CEP295: variants seen among roughly 807,000 people sequenced by gnomAD.
CEP295 encodes centrosomal protein 295.
In CEP295, 190 loss-of-function variants were observed where a neutral mutation model predicts 291.6. The ratio of observed to expected loss-of-function variants is 0.65; its 90% confidence interval spans 0.58 to 0.73. The LOEUF (loss-of-function observed/expected upper bound fraction) is 0.73, where lower values mean the gene tolerates loss of function less well. Among genes scored for constraint, CEP295 ranks in the 30% least tolerant of loss-of-function variants. CEP295 has a pLI of 0.00. For synonymous variants in CEP295, 993 were observed against 1,038.8 expected (o/e 0.96, Z 0.85); for missense variants, 2,863 against 2,949.4 (o/e 0.97, Z 0.68).
intron 9 of CEP295, among the ~76,000 whole-genome samples, chr11:93,686,319 T>TA (rs57239341): frequency 0.99 from 145,327 of 146,534 alleles, 72,068 homozygotes; most frequent in South Asian, 1. Context: ...AACTCCATCT[T>TA]AAAAAAAAAA....
chr11:93,698,667 C>G lies in CEP295; in HGVS notation c.3755C>G (p.Pro1252Arg), dbSNP rs1051052814. Residue 1252 changes from proline (P) to arginine (R), a missense_variant, in exon 15 of 30, where the codon CCT (proline) becomes CGT (arginine). Coordinates refer to ENST00000325212, the MANE Select transcript of CEP295 (RefSeq NM_033395.2). ...RLLRVSQHML[P>R]LQDNLEEHQA... ...TTGAGAGTTTCACAACATATGCTAC[C>G]TCTACAAGATAATTTGGAGGAACAC... 25 of 1,550,732 alleles carry G rather than the reference C, an allele frequency of 1.6e-5. No individual in the cohort carries two copies. The East Asian group carries it at 6.1e-4, about 38-fold the overall frequency.
At chr11:93,674,775 C>T (rs982393283) in intron 5 of CEP295, among the ~76,000 whole-genome samples, 36 of 152,176 alleles carry the variant, frequency 2.4e-4, no homozygotes, top group African/African-American at 8.4e-4. Context: ...CTGTAAAATG[C>T]ATGGTTTATT....
chr11:93,669,656 T>A, intron 4 of CEP295, 21 bp from the exon 5 acceptor site: 2 of 1,446,456 alleles, frequency 1.4e-6, no homozygotes, highest in Non-Finnish European at 1.9e-6. Context: ...GATTAATTGA[T>A]GACATCTCTT....
chr11:93,690,580 A>G (rs1436862648), intron 10 of CEP295, among the ~76,000 whole-genome samples: 1 of 149,074 alleles, frequency 6.7e-6, no homozygotes, highest in Non-Finnish European at 1.5e-5. Flanking sequence ...AAAAAAAAAA[A>G]AGTGAGCCAG....
In CEP295 at chr11:93,721,961, C is replaced by A; in HGVS notation, c.5858C>A (p.Thr1953Lys). 1 of 1,608,244 alleles carries A rather than the reference C, an allele frequency of 6.2e-7. No homozygotes were observed. The highest frequency in any genetic ancestry group is 8.5e-7 in the Non-Finnish European group (1 of 1,175,706). ...ATTCCCCTTAATTTCTAGGCTAAAA[C>A]ACTGTCTTATGAACCATTATCTTCA... is the stretch of plus-strand genomic sequence containing the variant. ...PTVKPDDKAKTLSYEPLSSAT... is the reference protein window; with the variant it reads ...PTVKPDDKAKKLSYEPLSSAT... Residue 1953 changes from threonine (T) to lysine (K), a missense_variant, in exon 20 of 30, where the codon ACA (threonine) becomes AAA (lysine). This residue lies in a region of CEP295 where 2,295 missense variants were observed against 2,335.7 expected (regional missense o/e 0.98). Transcript: ENST00000325212.
At chr11:93,723,341 A>G in intron 21 of CEP295, 52 bp downstream of exon 21, 2 of 1,289,474 alleles carry the variant, frequency 1.6e-6, no homozygotes, top group Non-Finnish European at 2.1e-6. Context: ...TTAAATTTTC[A>G]CCTTTCATCA....
chr11:93,679,412 C>A lies in CEP295; in HGVS notation c.625C>A (p.Pro209Thr). The change falls in exon 7 of 30, where the codon CCA becomes ACA. Residue 209 changes from proline (P) to threonine (T), a missense_variant and splice_region_variant. Pro to Thr is a conservative substitution (Grantham distance 38). This residue lies in a region of CEP295 where 554 missense variants were observed against 576.0 expected (regional missense o/e 0.96). Transcript: ENST00000325212. The part of the protein sequence containing the change: ...FVNRETDTKR[P>T]DARLAAEEEA... ...CCTACAATTTTTGATTGACTGCTAG[C>A]CAGATGCTCGTTTGGCTGCTGAAGA... The A allele has an allele frequency of 1.3e-6, 2 of 1,546,372 alleles. No individual in the cohort carries two copies. The highest frequency in any genetic ancestry group is 1.7e-6 in the Non-Finnish European group (2 of 1,144,236).
chr11:93,724,324 C>T lies in CEP295; in HGVS notation c.6267C>T (p.Asp2089=). 1 of 1,550,100 alleles carries T rather than the reference C, an allele frequency of 6.5e-7. No individual in the cohort carries two copies. The highest frequency in any genetic ancestry group is 8.7e-7 in the Non-Finnish European group (1 of 1,145,522). ...CCTTAGAACCACATCCAGATTTTGACTTATCATCATCATCCTCTGGGATTT... is the reference window on the plus strand; with the variant it reads ...CCTTAGAACCACATCCAGATTTTGATTTATCATCATCATCCTCTGGGATTT... ...FKPLEPHPDF[D]LSSSSSGISP... The change falls in exon 22 of 30, where the codon GAC becomes GAT. Residue 2089 remains aspartate (D), a synonymous_variant. Transcript: ENST00000325212.
Position 93,725,820 on chromosome 11 carries a change from ATAT to A in CEP295, c.6493_6495del (p.Ile2165del). On this transcript the variant is annotated inframe_deletion, in exon 23 of 30. Coordinates refer to ENST00000325212, the MANE Select transcript of CEP295 (RefSeq NM_033395.2). The stretch of plus-strand genomic sequence containing the variant: ...GGAGCTCACAGTTTTGCTACAGAAA[ATAT>A]TATTGGGGGTATGTATGACTAAGTT... The A allele has an allele frequency of 3.9e-6, 6 of 1,550,724 alleles. No homozygotes were observed. The highest frequency in any genetic ancestry group is 5.2e-6 in the Non-Finnish European group (6 of 1,146,718).
rs1195106050 is a variant in CEP295 at position 93,675,456 on chromosome 11, G to C, written c.529-115G>C. The C allele has an allele frequency of 1.2e-5, 6 of 512,454 alleles. No homozygotes were observed. In the East Asian group the frequency reaches 2.1e-4, roughly 18 times the overall value. 31.7% of individuals were successfully genotyped at this position (512,454 alleles called of 1,614,324 possible). ...TGATTTCATTATGAGCAGATATTTA[G>C]CATGTTTTGGATGCGGAGAACTCAT... On this transcript the variant is annotated intron_variant, in intron 5 of 29. Coordinates refer to ENST00000325212, the MANE Select transcript of CEP295 (RefSeq NM_033395.2).
At chr11:93,714,348 T>A (rs1036113823) in intron 18 of CEP295, among the ~76,000 whole-genome samples, 5 of 152,186 alleles carry the variant, frequency 3.3e-5, no homozygotes, top group Non-Finnish European at 5.9e-5. Flanking sequence ...CCTTCCAGGT[T>A]CAGGCGAATC....
At chr11:93,705,469 G>C (rs771842836) in intron 17 of CEP295, among the ~76,000 whole-genome samples, 3 of 151,878 alleles carry the variant, frequency 2.0e-5, no homozygotes, top group Non-Finnish European at 4.4e-5. Flanking sequence ...CTTTTTCTTT[G>C]GGTTTTGTTT....
intron 4 of CEP295, 146 bp from the exon 5 acceptor site, chr11:93,669,531 A>G (rs1950337138): frequency 1.9e-6 from 1 of 526,104 alleles, no homozygotes; most frequent in East Asian, 3.0e-5. Flanking sequence ...TAACATATGT[A>G]TAGACTCTTT....
At chr11:93,679,264 T>G (rs929023724) in intron 6 of CEP295, 148 bp from the exon 7 acceptor site, 9 of 679,616 alleles carry the variant, frequency 1.3e-5, no homozygotes, top group Non-Finnish European at 2.2e-5. Context: ...CATAGGTACA[T>G]GCCGTTGATA....
intron 17 of CEP295, among the ~76,000 whole-genome samples, chr11:93,705,687 C>G (rs1381136602): frequency 6.6e-6 from 1 of 152,012 alleles, no homozygotes; most frequent in Non-Finnish European, 1.5e-5. Context: ...TTAGTTCTTT[C>G]ATTTTTTTGT....
intron 7 of CEP295, among the ~76,000 whole-genome samples, chr11:93,681,237 G>GT (rs11320777): frequency 3.3e-4 from 47 of 141,658 alleles, no homozygotes; most frequent in African/African-American, 1.1e-3. Context: ...TTCATGTGTT[G>GT]TTTTTTTTTT....
intron 5 of CEP295, among the ~76,000 whole-genome samples, chr11:93,672,532 C>A (rs1286263687): frequency 6.6e-6 from 1 of 152,100 alleles, no homozygotes; most frequent in East Asian, 1.9e-4. Context: ...AAGCAATCCT[C>A]CTGCTTCCGC....
chr11:93,695,085 A>T (rs1951784464), intron 12 of CEP295, among the ~76,000 whole-genome samples: 1 of 152,228 alleles, frequency 6.6e-6, no homozygotes. Flanking sequence ...ATGGTTAAGA[A>T]GTCAAAGTAT....
At chr11:93,662,195 C>T (rs1950023800) in intron 1 of CEP295, among the ~76,000 whole-genome samples, 1 of 152,210 alleles carries the variant, frequency 6.6e-6, no homozygotes, top group South Asian at 2.1e-4. Context: ...TGTCTGCCAC[C>T]TTAATCTCAC....
Sources: allele counts gnomAD v4.1 joint callset (sites outside exome capture counted in the v4.1 genomes callset), GRCh38; gene constraint gnomAD v4.1.1; regional missense constraint gnomAD v4.1.1; transcripts MANE v1.5; gene names NCBI Gene and HGNC (gene_info 2026-07-23, HGNC 2026-07-21).